The following DCP1A variants were observed in gnomAD, a reference collection of about 807,000 sequenced individuals.
DCP1A encodes the protein decapping mRNA 1A.
In DCP1A, 20 loss-of-function variants were observed where a neutral mutation model predicts 58.0. The observed-to-expected ratio is 0.34, with a 90% CI of 0.24 to 0.50. The LOEUF is 0.50. DCP1A is among the 20% of genes least tolerant of loss of function. The probability of loss-of-function intolerance (pLI) is 0.98; values close to 1 mark genes in which losing one functional copy is unlikely to be tolerated. For synonymous variants in DCP1A, 285 were observed against 275.1 expected (o/e 1.04, Z -0.36); for missense variants, 613 against 712.2 (o/e 0.86, Z 1.59).
Position 53,347,149 on chromosome 3 carries a change from T to C in DCP1A, c.135+234A>G, listed in dbSNP as rs368002009. Among the ~76,000 whole-genome samples the C allele has an allele frequency of 1.6e-4, 24 of 152,024 alleles. No homozygotes were observed. In the East Asian group the frequency reaches 4.7e-3, roughly 29 times the overall value. ...CAAGGGACTGATCCTGCTCCAATCC[T>C]CCCCTCCACTGGCTTTTCCTTGGGA... On this transcript the variant is annotated intron_variant, in intron 1 of 9. Coordinates refer to ENST00000610213, the MANE Select transcript of DCP1A (RefSeq NM_018403.7).
intron 7 of DCP1A, 35 bp from the exon 8 acceptor site, chr3:53,290,891 A>G (rs1553685900): frequency 6.4e-7 from 1 of 1,551,774 alleles, no homozygotes; most frequent in Non-Finnish European, 8.8e-7. Flanking sequence ...AGACGGATAT[A>G]AGAAGTTTCA....
intron 3 of DCP1A, among the ~76,000 whole-genome samples, chr3:53,328,053 G>C (rs782440469): frequency 4.6e-5 from 7 of 152,104 alleles, no homozygotes; most frequent in Non-Finnish European, 1.0e-4. Context: ...CTGGGTGGTG[G>C]AGGTTGCAGT....
At chr3:53,337,690 T>A (rs1357821884) in intron 3 of DCP1A, among the ~76,000 whole-genome samples, 2 of 152,184 alleles carry the variant, frequency 1.3e-5, no homozygotes, top group African/African-American at 4.8e-5. Flanking sequence ...CAAAAAGGAA[T>A]GACTAAATAG....
chr3:53,328,461 A>C (rs943880383), intron 3 of DCP1A, among the ~76,000 whole-genome samples: 1 of 152,216 alleles, frequency 6.6e-6, no homozygotes, highest in Non-Finnish European at 1.5e-5. Flanking sequence ...AATTATCTAA[A>C]AGATAAATGA....
chr3:53,295,896 CT>C (rs112256781), intron 6 of DCP1A, among the ~76,000 whole-genome samples: 245 of 144,076 alleles, frequency 1.7e-3, no homozygotes, highest in Admixed American at 2.2e-3. Flanking sequence ...ACCATGTGGT[CT>C]TTTTTTTTTT....
intron 5 of DCP1A, among the ~76,000 whole-genome samples, chr3:53,305,594 C>T (rs187979109): frequency 2.4e-4 from 37 of 152,184 alleles, no homozygotes; most frequent in African/African-American, 8.9e-4. Flanking sequence ...AGGTGATTCA[C>T]CCTCCTCGGC....
At chr3:53,321,397 G>GA (rs1169209875) in intron 3 of DCP1A, among the ~76,000 whole-genome samples, 5 of 152,130 alleles carry the variant, frequency 3.3e-5, no homozygotes, top group African/African-American at 9.7e-5. Flanking sequence ...ACAAATTAGA[G>GA]AAAAAAATCA....
At chr3:53,299,604 A>G (rs1297245357) in intron 6 of DCP1A, among the ~76,000 whole-genome samples, 1 of 152,244 alleles carries the variant, frequency 6.6e-6, no homozygotes, top group Non-Finnish European at 1.5e-5. Context: ...CATAGGAAAC[A>G]AACAATAACA....
chr3:53,333,114 T>C (rs1553691509), intron 3 of DCP1A: 1 of 152,074 alleles, frequency 6.6e-6, no homozygotes, highest in Admixed American at 6.6e-5. Context: ...CTAGACAAAA[T>C]TTTCATCACT....
chr3:53,327,728 T>G (rs960032221), intron 3 of DCP1A, among the ~76,000 whole-genome samples: 2 of 146,750 alleles, frequency 1.4e-5, no homozygotes, highest in South Asian at 4.3e-4. Flanking sequence ...GAGGCAGAGG[T>G]TGCGGTGAGC....
chr3:53,346,134 CAA>C (rs2089288803), intron 1 of DCP1A, among the ~76,000 whole-genome samples: 2 of 152,012 alleles, frequency 1.3e-5, no homozygotes, highest in South Asian at 4.1e-4. Context: ...ATCCATATTT[CAA>C]AATTTATATA....
At chr3:53,324,837 A>C (rs1292362402) in intron 3 of DCP1A, among the ~76,000 whole-genome samples, 1 of 152,154 alleles carries the variant, frequency 6.6e-6, no homozygotes, top group Non-Finnish European at 1.5e-5. Context: ...CCTGGGCAAC[A>C]CAGTGGGACC....
chr3:53,347,494 C>A lies in DCP1A; in HGVS notation c.24G>T (p.Gly8=), dbSNP rs782556771. Residue 8 remains glycine (G), a synonymous_variant, in exon 1 of 10, where the codon GGG becomes GGT. Transcript: ENST00000610213. MEALSRA[G]QEMSLAALKQ... is the part of the protein sequence containing the mutation. ...TCAGGGCCGCTAGGCTCATCTCCTG[C>A]CCAGCTCGACTCAGCGCCTCCATCT... is the stretch of plus-strand genomic sequence containing the variant. The A allele has an allele frequency of 2.4e-5, 38 of 1,612,806 alleles. No homozygotes were observed. In the South Asian group the frequency reaches 3.5e-4, roughly 15 times the overall value.
At chr3:53,329,293 C>A (rs1345034788) in intron 3 of DCP1A, 3 of 398,008 alleles carry the variant, frequency 7.5e-6, no homozygotes, top group African/African-American at 6.2e-5. Flanking sequence ...TTGGCAGTGG[C>A]ATTTTCAACA....
chr3:53,345,055 T>C, intron 1 of DCP1A, 113 bp from the exon 2 acceptor site: 1 of 843,634 alleles, frequency 1.2e-6, no homozygotes, highest in Non-Finnish European at 1.9e-6. Flanking sequence ...TTTCATCTAT[T>C]ATAAAATTAA....
chr3:53,316,397 C>T (rs1707813638), intron 4 of DCP1A, among the ~76,000 whole-genome samples: 1 of 151,994 alleles, frequency 6.6e-6, no homozygotes, highest in African/African-American at 2.4e-5. Flanking sequence ...ACACTTAAAA[C>T]TCATTATCAA....
At chr3:53,309,369 C>CAAA (rs79989110) in intron 5 of DCP1A, among the ~76,000 whole-genome samples, 1 of 94,722 alleles carries the variant, frequency 1.1e-5, no homozygotes, top group East Asian at 3.7e-4. Flanking sequence ...GACTCCATCT[C>CAAA]AAAAAAAAAA....
chr3:53,288,322 A>AAGCCAGT, intron 8 of DCP1A, 39 bp from the exon 9 acceptor site: 1 of 1,539,676 alleles, frequency 6.5e-7, no homozygotes. Context: ...CGAAGTGCAG[A>AAGCCAGT]AGCCAGTAGC....
intron 5 of DCP1A, among the ~76,000 whole-genome samples, chr3:53,311,444 T>C (rs951762667): frequency 1.3e-5 from 2 of 152,194 alleles, no homozygotes; most frequent in Non-Finnish European, 2.9e-5. Flanking sequence ...ACATAGTAGA[T>C]GGTTCATAAG....
Sources: gnomAD v4.1 joint callset for allele counts (sites outside exome capture counted in the v4.1 genomes callset) on GRCh38, gnomAD v4.1.1 for gene constraint, MANE v1.5 for transcripts, NCBI Gene and HGNC (gene_info 2026-07-23, HGNC 2026-07-21) for gene names.